CACNA2D1: variants seen among roughly 807,000 people sequenced by gnomAD.
CACNA2D1 encodes the protein calcium voltage-gated channel auxiliary subunit alpha2delta 1, also known as voltage-dependent calcium channel subunit alpha-2/delta-1.
CACNA2D1 carries 53 observed loss-of-function variants against 171.5 expected under a neutral mutation model. The observed-to-expected ratio is 0.31, with a 90% CI of 0.25 to 0.39. The LOEUF (loss-of-function observed/expected upper bound fraction) is 0.39. Ranked by LOEUF, CACNA2D1 falls within the 10% of genes least tolerant of loss-of-function variation. CACNA2D1 has a pLI of 1.00. For synonymous variants in CACNA2D1, 442 were observed against 443.1 expected, an observed-to-expected ratio of 1.00 and a Z score of 0.03; for missense variants, 903 against 1,299.8, an observed-to-expected ratio of 0.69 and a Z score of 4.69.
At chr7:82,317,932 T>C (rs938898856) in intron 3 of CACNA2D1, among the ~76,000 whole-genome samples, 2 of 151,652 alleles carry the variant, frequency 1.3e-5, no homozygotes, top group Admixed American at 6.6e-5. Context: ...CTTTGTACTA[T>C]ACTAGATCAA....
chr7:82,062,365 T>A (rs1458985942), intron 9 of CACNA2D1, among the ~76,000 whole-genome samples: 1 of 152,126 alleles, frequency 6.6e-6, no homozygotes, highest in African/African-American at 2.4e-5. Context: ...AATTCCACTG[T>A]CTTTCCTCTC....
At chr7:82,317,517 A>G (rs1008613956) in intron 3 of CACNA2D1, among the ~76,000 whole-genome samples, 1 of 152,200 alleles carries the variant, frequency 6.6e-6, no homozygotes, top group Non-Finnish European at 1.5e-5. Flanking sequence ...TAAAATACTT[A>G]AGGAGGAGCA....
chr7:82,398,664 A>G (rs537539748), intron 1 of CACNA2D1, among the ~76,000 whole-genome samples: 1 of 151,790 alleles, frequency 6.6e-6, no homozygotes, highest in African/African-American at 2.4e-5. Context: ...TGCAGCCTCA[A>G]ACCCCTTTGC....
At chr7:82,315,387 A>G (rs1315190391) in intron 3 of CACNA2D1, among the ~76,000 whole-genome samples, 3 of 152,162 alleles carry the variant, frequency 2.0e-5, no homozygotes, top group African/African-American at 7.2e-5. Flanking sequence ...AAGAAATACA[A>G]TAAGAAAAAA....
At chr7:82,106,524 A>AT (rs79885476) in intron 6 of CACNA2D1, among the ~76,000 whole-genome samples, 1,583 of 150,328 alleles carry the variant, frequency 0.011, 29 homozygotes, top group African/African-American at 0.032. Context: ...TTTCCTTTTA[A>AT]TTTTTTTTTT....
chr7:82,124,161 A>T (rs2129060901), intron 5 of CACNA2D1, among the ~76,000 whole-genome samples: 1 of 152,302 alleles, frequency 6.6e-6, no homozygotes, highest in African/African-American at 2.4e-5. Context: ...GTAATTTTTT[A>T]AATGTTAGAA....
chr7:82,204,673 G>A (rs12707479), intron 3 of CACNA2D1, among the ~76,000 whole-genome samples: 36,349 of 151,926 alleles, frequency 0.24, 5,390 homozygotes, highest in East Asian at 0.47. Flanking sequence ...TGTTAAACCT[G>A]TGTTTCTGGG....
intron 3 of CACNA2D1, among the ~76,000 whole-genome samples, chr7:82,334,859 A>G (rs1187897246): frequency 6.6e-6 from 1 of 151,926 alleles, no homozygotes; most frequent in Non-Finnish European, 1.5e-5. Flanking sequence ...AACATGTTCA[A>G]TTTATTATTA....
chr7:82,375,359 G>T (rs547492108), intron 1 of CACNA2D1, among the ~76,000 whole-genome samples: 1 of 152,224 alleles, frequency 6.6e-6, no homozygotes, highest in Non-Finnish European at 1.5e-5. Flanking sequence ...GCTTTTTCCA[G>T]TGCCATAGAT....
chr7:82,296,864 T>C (rs1812346538), intron 3 of CACNA2D1, among the ~76,000 whole-genome samples: 1 of 152,056 alleles, frequency 6.6e-6, no homozygotes, highest in African/African-American at 2.4e-5. Context: ...TTTATGCATG[T>C]AGTTGGTGAC....
At chr7:82,055,366 A>G (rs1805697571) in intron 10 of CACNA2D1, among the ~76,000 whole-genome samples, 1 of 152,106 alleles carries the variant, frequency 6.6e-6, no homozygotes, top group African/African-American at 2.4e-5. Flanking sequence ...ATGGCTTTAG[A>G]CAACAAAAAG....
At chr7:82,401,062 G>A (rs1826346041) in intron 1 of CACNA2D1, among the ~76,000 whole-genome samples, 6 of 152,118 alleles carry the variant, frequency 3.9e-5, no homozygotes, top group Admixed American at 3.9e-4. Flanking sequence ...AACAACAGGT[G>A]CTGGAGAGGA....
At chr7:82,021,409 A>C (rs2131026045) in intron 12 of CACNA2D1, among the ~76,000 whole-genome samples, 1 of 152,218 alleles carries the variant, frequency 6.6e-6, no homozygotes, top group African/African-American at 2.4e-5. Context: ...GAACATCTAT[A>C]ACAGTTTTAT....
rs145105210 is a variant in CACNA2D1, at chr7:81,978,753, G to GTGTGTGTATATATATA, written c.1955+3813_1955+3814insTATATATATACACACA. ...TTAAAGTAAATTTTTTTTAAAAAGTGTATATATATATATATATACACACAC... is the reference window on the plus strand; with the variant it reads ...TTAAAGTAAATTTTTTTTAAAAAGTGTGTGTGTATATATATATATATATATATATATATACACACAC... On this transcript the variant is annotated intron_variant, in intron 24 of 38. Coordinates refer to ENST00000356860, the MANE Select transcript of CACNA2D1 (RefSeq NM_000722.4). Among the ~76,000 whole-genome samples the GTGTGTGTATATATATA allele has an allele frequency of 1.2e-3, 164 of 139,474 alleles. 2 individuals are homozygous for GTGTGTGTATATATATA. The highest frequency in any genetic ancestry group is 2.1e-3 in the East Asian group (10 of 4,688). 91.5% of individuals were successfully genotyped at this position (139,474 alleles called of 152,430 possible). A position where few individuals can be genotyped will look rare whatever the true frequency, so the allele number is the denominator to read the frequency against.
intron 6 of CACNA2D1, among the ~76,000 whole-genome samples, chr7:82,098,602 C>G (rs1352885443): frequency 1.3e-5 from 2 of 152,128 alleles, no homozygotes; most frequent in African/African-American, 2.4e-5. Context: ...TGCCTTTACA[C>G]TTACAGCAAG....
upstream of CACNA2D1, chr7:82,443,902 G>A (rs1232204102): frequency 1.6e-5 from 6 of 366,752 alleles, no homozygotes; most frequent in East Asian, 4.0e-5. Flanking sequence ...TCGGGGAATG[G>A]CAGGCAGAGA....
intron 4 of CACNA2D1, among the ~76,000 whole-genome samples, chr7:82,152,780 T>C (rs1793992190): frequency 6.6e-6 from 1 of 151,876 alleles, no homozygotes; most frequent in Non-Finnish European, 1.5e-5. Context: ...TGTATTTCTG[T>C]TTTTCAAAAC....
chr7:82,277,093 T>C (rs1585308264), intron 3 of CACNA2D1, among the ~76,000 whole-genome samples: 2 of 152,230 alleles, frequency 1.3e-5, no homozygotes, highest in African/African-American at 4.8e-5. Flanking sequence ...CATTTAGAGA[T>C]CGTTCAAAAC....
intron 7 of CACNA2D1, among the ~76,000 whole-genome samples, chr7:82,077,056 C>A (rs1004556614): frequency 2.0e-5 from 3 of 152,084 alleles, no homozygotes; most frequent in African/African-American, 7.2e-5. Context: ...GGCATTTAGT[C>A]ATTTAATAAT....
Sources: gnomAD v4.1 joint callset for allele counts (sites outside exome capture counted in the v4.1 genomes callset) on GRCh38, gnomAD v4.1.1 for gene constraint, MANE v1.5 for transcripts, NCBI Gene and HGNC (gene_info 2026-07-23, HGNC 2026-07-21) for gene names.